Variants in STRN observed in about 807,000 individuals in gnomAD.
STRN encodes the protein protein phosphatase 2 regulatory subunit B'''alpha.
In STRN, 53 loss-of-function variants were observed where a neutral mutation model predicts 96.3. The observed-to-expected ratio is 0.55, with a 90% CI of 0.44 to 0.69. STRN has a LOEUF of 0.69. Among genes scored for constraint, STRN ranks in the 30% least tolerant of loss-of-function variants. STRN has a pLI of 0.00. For synonymous variants in STRN, 428 were observed against 355.9 expected (o/e 1.20, Z -2.28); for missense variants, 987 against 963.9 (o/e 1.02, Z -0.32).
intron 13 of STRN, among the ~76,000 whole-genome samples, chr2:36,860,847 A>T (rs1174596384): frequency 6.6e-6 from 1 of 152,238 alleles, no homozygotes; most frequent in Non-Finnish European, 1.5e-5. Context: ...AACTCTACAG[A>T]TGCCTAAAAT....
chr2:36,951,396 A>G (rs1034912763), intron 1 of STRN, among the ~76,000 whole-genome samples: 6 of 152,278 alleles, frequency 3.9e-5, no homozygotes, highest in African/African-American at 7.2e-5. Flanking sequence ...AAATGCAGAC[A>G]CTATTTGCTG....
chr2:36,864,866 C>G (rs980597247), intron 12 of STRN, among the ~76,000 whole-genome samples: 1 of 152,284 alleles, frequency 6.6e-6, no homozygotes, highest in Non-Finnish European at 1.5e-5. Flanking sequence ...GCACCTGCCA[C>G]CACGCCCAGC....
At chr2:36,931,677 GT>G (rs1364652851) in intron 1 of STRN, among the ~76,000 whole-genome samples, 1 of 152,160 alleles carries the variant, frequency 6.6e-6, no homozygotes, top group Non-Finnish European at 1.5e-5. Flanking sequence ...AGTAGCATAT[GT>G]TATATTTACT....
intron 6 of STRN, among the ~76,000 whole-genome samples, chr2:36,894,725 T>C (rs1306556035): frequency 1.3e-5 from 2 of 152,218 alleles, no homozygotes; most frequent in Admixed American, 6.5e-5. Flanking sequence ...AATAACATGA[T>C]AGGATCAAAT....
chr2:36,929,532 A>T (rs200888845), intron 1 of STRN, among the ~76,000 whole-genome samples: 1 of 152,060 alleles, frequency 6.6e-6, no homozygotes, highest in Non-Finnish European at 1.5e-5. Flanking sequence ...TTACAGGTGC[A>T]CACCACCACG....
At chr2:36,916,801 A>AT (rs1670110926) in intron 2 of STRN, among the ~76,000 whole-genome samples, 1 of 152,282 alleles carries the variant, frequency 6.6e-6, no homozygotes, top group South Asian at 2.1e-4. Context: ...AGTTGACAGA[A>AT]TGTTATCATT....
At chr2:36,894,202 T>C (rs1669480262) in intron 6 of STRN, among the ~76,000 whole-genome samples, 169 bp from the exon 7 acceptor site, 1 of 152,238 alleles carries the variant, frequency 6.6e-6, no homozygotes, top group Admixed American at 6.5e-5. Flanking sequence ...ATTATAAATT[T>C]TAAAGCAGTA....
intron 7 of STRN, among the ~76,000 whole-genome samples, chr2:36,891,655 G>C (rs1251704014): frequency 6.6e-6 from 1 of 152,166 alleles, no homozygotes; most frequent in East Asian, 1.9e-4. Context: ...TTGTGCCACT[G>C]GGATTGTTCA....
chr2:36,902,783 T>A, intron 4 of STRN, 32 bp from the exon 5 acceptor site: 5 of 1,532,284 alleles, frequency 3.3e-6, no homozygotes, highest in Non-Finnish European at 3.5e-6. Flanking sequence ...AGTTCAGTCA[T>A]ACTGGAATCA....
chr2:36,919,180 C>T (rs1169303610), intron 2 of STRN, among the ~76,000 whole-genome samples: 3 of 152,096 alleles, frequency 2.0e-5, no homozygotes, highest in African/African-American at 7.2e-5. Flanking sequence ...GTGCTGGCTG[C>T]TGGGACAACC....
chr2:36,946,964 C>A (rs963206142), intron 1 of STRN, among the ~76,000 whole-genome samples: 4 of 151,468 alleles, frequency 2.6e-5, no homozygotes, highest in Admixed American at 2.6e-4. Flanking sequence ...GGTGAGATTT[C>A]GGCTCACTGC....
At chr2:36,890,920 A>T (rs1669379705) in intron 7 of STRN, among the ~76,000 whole-genome samples, 1 of 152,180 alleles carries the variant, frequency 6.6e-6, no homozygotes. Context: ...TCTCATAGGA[A>T]GCTCCAACAT....
intron 6 of STRN, among the ~76,000 whole-genome samples, chr2:36,894,298 GAC>G (rs1669483590): frequency 6.6e-6 from 1 of 152,174 alleles, no homozygotes; most frequent in African/African-American, 2.4e-5. Context: ...GTACTGAAAT[GAC>G]AGATATACGA....
At chr2:36,935,429 C>T (rs1301618910) in intron 1 of STRN, among the ~76,000 whole-genome samples, 4 of 152,176 alleles carry the variant, frequency 2.6e-5, no homozygotes, top group African/African-American at 4.8e-5. Flanking sequence ...ATATGTATCA[C>T]GTACTCTACC....
rs1026092118 is a variant in STRN at position 36,846,065 on chromosome 2, A to G, written c.*3391T>C. On this transcript the variant is annotated 3_prime_UTR_variant, in exon 18 of 18. Transcript: ENST00000263918. ...TAAAGGCACCTCTCATTTTCTAGCT[A>G]TTGCCTTCTTGATGATATTTGTTTT... 7.5e-6 allele frequency: 1 copy of G among 132,872 alleles called. No homozygotes were observed. Among genetic ancestry groups the G allele is most frequent in the African/African-American group, 2.8e-5 (1 of 35,172 alleles). 8.2% of individuals were successfully genotyped at this position (132,872 alleles called of 1,614,324 possible).
rs1664614076 is a variant in STRN, at chr2:36,947,561, C to A, written c.234+18669G>T. Among the ~76,000 whole-genome samples, 3 of 147,454 alleles carry A rather than the reference C, an allele frequency of 2.0e-5. No homozygotes were observed. In the South Asian group the frequency reaches 6.3e-4, roughly 31 times the overall value. On this transcript the variant is annotated intron_variant, in intron 1 of 17. Coordinates refer to ENST00000263918, the MANE Select transcript of STRN (RefSeq NM_003162.4). Reference sequence around the variant, plus strand: ...AACTCGGGAACATATATATTATTTACATATATATTATATATATATATATAT... The same window carrying A: ...AACTCGGGAACATATATATTATTTAAATATATATTATATATATATATATAT...
chr2:36,847,327 C>G lies in STRN; in HGVS notation c.*2129G>C, dbSNP rs1041936102. ...GAAGATCTTAGAAGGTAATTAATAA[C>G]TGGTAGAACAATAGCTTTGTGGTCA... is the stretch of plus-strand genomic sequence containing the variant. On this transcript the variant is annotated 3_prime_UTR_variant, in exon 18 of 18. Transcript: ENST00000263918. 1 of 152,100 alleles carries G rather than the reference C, an allele frequency of 6.6e-6. No homozygotes were observed. Among genetic ancestry groups the G allele is most frequent in the Non-Finnish European group, 1.5e-5 (1 of 68,004 alleles). The allele number at this position is 152,100 out of a possible 1,614,324, so 9.4% of individuals were successfully genotyped here.
chr2:36,867,165 T>C (rs1008958352), intron 12 of STRN, among the ~76,000 whole-genome samples: 2 of 152,190 alleles, frequency 1.3e-5, no homozygotes, highest in African/African-American at 4.8e-5. Context: ...GCTGGTAATA[T>C]TCTTTTGTTT....
At chr2:36,882,602 A>G (rs1237686466) in intron 9 of STRN, among the ~76,000 whole-genome samples, 1 of 152,158 alleles carries the variant, frequency 6.6e-6, no homozygotes, top group Non-Finnish European at 1.5e-5. Context: ...CCATGTCTCT[A>G]CAAAAAGCAT....
Sources: allele counts gnomAD v4.1 joint callset (sites outside exome capture counted in the v4.1 genomes callset), GRCh38; gene constraint gnomAD v4.1.1; transcripts MANE v1.5; gene names NCBI Gene and HGNC (gene_info 2026-07-23, HGNC 2026-07-21).